The following TBC1D30 variants were observed in gnomAD, a reference collection of about 807,000 sequenced individuals.
TBC1D30 encodes TBC1 domain family member 30, also known as TBC1 domain family, member 30.
In TBC1D30, 31 loss-of-function variants were observed where a neutral mutation model predicts 63.2. That is an observed-to-expected ratio of 0.49 (90% CI 0.37 to 0.66). TBC1D30 has a LOEUF of 0.66. Ranked by LOEUF, TBC1D30 falls within the 30% of genes least tolerant of loss-of-function variation. The pLI, the probability that TBC1D30 is intolerant of heterozygous loss-of-function variation, is 0.00. For missense variants in TBC1D30, 810 were observed against 953.6 expected (o/e 0.85, Z 1.98); for synonymous variants, 307 against 361.5 (o/e 0.85, Z 1.71).
At position 64,874,431 on chromosome 12, in the gene TBC1D30, G is replaced by A. The variant is rs1441085534; in HGVS notation, c.1499-570G>A. 3.3e-5 allele frequency among the ~76,000 whole-genome samples: 5 copies of A among 152,142 alleles called. No homozygotes were observed. In the East Asian group the frequency reaches 5.8e-4, roughly 18 times the overall value. On this transcript the variant is annotated intron_variant, in intron 11 of 11. Coordinates refer to ENST00000539867, the MANE Select transcript of TBC1D30 (RefSeq NM_015279.2). ...GCTTTTCAGTTTTCAATTGGCTTTC[G>A]AAGTCCATTGAGGACACAGGAGTGG...
rs74637114 is a variant in TBC1D30 at position 64,828,401 on chromosome 12, A to G, written c.217-43A>G. 1.0e-5 allele frequency: 14 copies of G among 1,404,656 alleles called. No homozygotes were observed. The East Asian group carries it at 2.7e-4, about 27-fold the overall frequency. 87.0% of individuals were successfully genotyped at this position (1,404,656 alleles called of 1,614,324 possible). On this transcript the variant is annotated intron_variant, in intron 2 of 11. Coordinates refer to ENST00000539867, the MANE Select transcript of TBC1D30 (RefSeq NM_015279.2). ...GAAAAAGATTGCAAAGTGCTTATCT[A>G]GGTCACTGTGATCACCTCCTGGGAT...
intron 8 of TBC1D30, among the ~76,000 whole-genome samples, chr12:64,846,369 T>C (rs1876377914): frequency 6.6e-6 from 1 of 151,158 alleles, no homozygotes; most frequent in South Asian, 2.1e-4. Flanking sequence ...TTTTGATTGA[T>C]TTTTGTATAT....
chr12:64,760,128 A>T (rs923821407), intron 1 of TBC1D30, among the ~76,000 whole-genome samples: 2 of 152,200 alleles, frequency 1.3e-5, no homozygotes, highest in Admixed American at 6.5e-5. Flanking sequence ...CTCTTGGAAC[A>T]TGTTGGAGGA....
rs947207346 is a variant in TBC1D30 at position 64,875,104 on chromosome 12, C to T, written c.1602C>T (p.Ala534=). 1.4e-5 allele frequency: 21 copies of T among 1,536,310 alleles called. No individual in the cohort carries two copies. The Admixed American group carries it at 2.7e-4, about 20-fold the overall frequency. The stretch of plus-strand genomic sequence containing the variant: ...AGATGAAAATGACTAACAGAGCTGC[C>T]AAGAATGCTGTCATCCACATCCCTG... ...GKKMKMTNRA[A]KNAVIHIPGH... The change falls in exon 12 of 12, where the codon GCC becomes GCT. Residue 534 remains alanine (A), a synonymous_variant. Coordinates refer to ENST00000539867, the MANE Select transcript of TBC1D30 (RefSeq NM_015279.2).
intron 2 of TBC1D30, among the ~76,000 whole-genome samples, chr12:64,815,689 AGAT>A (rs1873482074): frequency 6.6e-6 from 1 of 152,234 alleles, no homozygotes; most frequent in Non-Finnish European, 1.5e-5. Flanking sequence ...TTCATATTTC[AGAT>A]GATGACTTGG....
At chr12:64,787,757 C>T (rs1469204204) in intron 2 of TBC1D30, among the ~76,000 whole-genome samples, 5 of 152,150 alleles carry the variant, frequency 3.3e-5, no homozygotes, top group African/African-American at 9.7e-5. Flanking sequence ...TGCTGCAGGC[C>T]GGGCATGGCG....
intron 2 of TBC1D30, chr12:64,818,466 G>T: frequency 1.1e-6 from 1 of 914,872 alleles, no homozygotes; most frequent in Non-Finnish European, 1.3e-6. Flanking sequence ...ACAGTCTCGT[G>T]CTGTTGCCAG....
At chr12:64,847,993 G>A (rs2136416977) in intron 8 of TBC1D30, among the ~76,000 whole-genome samples, 1 of 150,570 alleles carries the variant, frequency 6.6e-6, no homozygotes, top group East Asian at 2.0e-4. Context: ...GAAATCTCTA[G>A]CCGTCACTGT....
chr12:64,843,443 G>T lies in TBC1D30; in HGVS notation c.996G>T (p.Glu332Asp). 5.9e-6 allele frequency: 9 copies of T among 1,536,232 alleles called. No homozygotes were observed. Among genetic ancestry groups the T allele is most frequent in the Non-Finnish European group, 7.8e-6 (9 of 1,146,922 alleles). The stretch of plus-strand genomic sequence containing the variant: ...GCACCATGGGGCGCCTTACCCAGGA[G>T]ATGCTAGAGAATGATCTTCTGCAAA... Reference protein sequence around the residue: ...FYSTMGRLTQEMLENDLLQSH... With the variant: ...FYSTMGRLTQDMLENDLLQSH... The change falls in exon 8 of 12, where the codon GAG (glutamate) becomes GAT (aspartate). Residue 332 changes from glutamate (E) to aspartate (D), a missense_variant. Glu to Asp is a conservative substitution (Grantham distance 45). Coordinates refer to ENST00000539867, the MANE Select transcript of TBC1D30 (RefSeq NM_015279.2).
At chr12:64,874,908 A>G (rs1878923941) in intron 11 of TBC1D30, 93 bp from the exon 12 acceptor site, 1 of 1,199,698 alleles carries the variant, frequency 8.3e-7, no homozygotes, top group Admixed American at 2.5e-5. Context: ...GATGTGGTAG[A>G]CGGGGCTGGG....
At chr12:64,839,725 G>A (rs1875678544) in intron 7 of TBC1D30, among the ~76,000 whole-genome samples, 1 of 151,866 alleles carries the variant, frequency 6.6e-6, no homozygotes, top group South Asian at 2.1e-4. Context: ...ACCAACTATC[G>A]GCCGAGCGCG....
chr12:64,835,598 C>G (rs1875276121), intron 5 of TBC1D30, among the ~76,000 whole-genome samples: 1 of 152,092 alleles, frequency 6.6e-6, no homozygotes, highest in Non-Finnish European at 1.5e-5. Flanking sequence ...AAGAATGAAG[C>G]CACCTGAATT....
chr12:64,759,637 A>C, exon 1 of TBC1D30: 1 of 309,530 alleles, frequency 3.2e-6, no homozygotes, highest in Non-Finnish European at 6.0e-6. Context: ...GAACCGGGAA[A>C]AGGTCAAGAC....
Position 64,824,741 on chromosome 12 carries a change from A to G in TBC1D30, c.-139A>G. 1 of 1,230,114 alleles carries G rather than the reference A, an allele frequency of 8.1e-7. No individual in the cohort carries two copies. 76.2% of individuals were successfully genotyped at this position (1,230,114 alleles called of 1,614,324 possible). ...TAAGTCCCCGTGACCCTCCAGCACCAGCCGGCTGTGCGCTCCCTGCTCCCA... is the reference window on the plus strand; with the variant it reads ...TAAGTCCCCGTGACCCTCCAGCACCGGCCGGCTGTGCGCTCCCTGCTCCCA... On this transcript the variant is annotated 5_prime_UTR_variant, in exon 1 of 12. Coordinates refer to ENST00000539867, the MANE Select transcript of TBC1D30 (RefSeq NM_015279.2).
At chr12:64,851,811 TG>T (rs1259470638) in intron 8 of TBC1D30, among the ~76,000 whole-genome samples, 4 of 152,254 alleles carry the variant, frequency 2.6e-5, no homozygotes, top group African/African-American at 9.6e-5. Flanking sequence ...GATTCTGGGC[TG>T]AATATTCTTT....
At chr12:64,866,330 G>A (rs1878211176) in intron 9 of TBC1D30, among the ~76,000 whole-genome samples, 1 of 152,240 alleles carries the variant, frequency 6.6e-6, no homozygotes, top group Non-Finnish European at 1.5e-5. Flanking sequence ...GTGATCACCT[G>A]TGGGAATTAG....
intron 6 of TBC1D30, among the ~76,000 whole-genome samples, chr12:64,837,263 A>G (rs1875448541): frequency 6.6e-6 from 1 of 152,012 alleles, no homozygotes; most frequent in African/African-American, 2.4e-5. Context: ...TTTTCCACAG[A>G]CCAGGGCTTG....
At chr12:64,814,421 T>TA (rs977146725) in intron 2 of TBC1D30, among the ~76,000 whole-genome samples, 3 of 151,586 alleles carry the variant, frequency 2.0e-5, no homozygotes, top group East Asian at 3.9e-4. Flanking sequence ...AGATAAAATT[T>TA]AAAAAAAAAT....
intron 1 of TBC1D30, among the ~76,000 whole-genome samples, chr12:64,765,224 G>A (rs1870662916): frequency 1.3e-5 from 2 of 152,078 alleles, no homozygotes; most frequent in Admixed American, 6.5e-5. Context: ...CGGGCATCGT[G>A]GCTCACGCCT....
Sources: allele counts gnomAD v4.1 joint callset (sites outside exome capture counted in the v4.1 genomes callset), GRCh38; gene constraint gnomAD v4.1.1; transcripts MANE v1.5; gene names NCBI Gene and HGNC (gene_info 2026-07-23, HGNC 2026-07-21).